STX18: variants seen among roughly 807,000 people sequenced by gnomAD.
The protein encoded by STX18 is syntaxin-18.
STX18 carries 40 observed loss-of-function variants against 50.1 expected under a neutral mutation model. The observed-to-expected ratio is 0.80, with a 90% CI of 0.62 to 1.04. The LOEUF (loss-of-function observed/expected upper bound fraction) is 1.04. Ranked by LOEUF, STX18 falls within the 50% of genes least tolerant of loss-of-function variation. The pLI, the probability that STX18 is intolerant of heterozygous loss-of-function variation, is 0.00. For missense variants in STX18, 410 were observed against 415.8 expected, an observed-to-expected ratio of 0.99 and a Z score of 0.12; for synonymous variants, 158 against 151.8, an observed-to-expected ratio of 1.04 and a Z score of -0.30.
At chr4:4,462,358 C>G (rs1006520312) in intron 2 of STX18, among the ~76,000 whole-genome samples, 11 of 152,198 alleles carry the variant, frequency 7.2e-5, no homozygotes, top group African/African-American at 2.2e-4. Flanking sequence ...AGAACATCAT[C>G]CACATTTTAT....
At chr4:4,485,544 T>C (rs1728660219) in intron 1 of STX18, among the ~76,000 whole-genome samples, 1 of 152,118 alleles carries the variant, frequency 6.6e-6, no homozygotes, top group Non-Finnish European at 1.5e-5. Flanking sequence ...TTAGGAGACA[T>C]GATGACAGTG....
chr4:4,506,148 T>C lies in STX18; in HGVS notation c.169-34442A>G, dbSNP rs553869423. ...ACATTTGTGTACAGGCAGTTTCTTA[T>C]ACCATTAAACATACACTCACCAGAT... is the stretch of plus-strand genomic sequence containing the variant. On this transcript the variant is annotated intron_variant, in intron 1 of 10. Transcript: ENST00000306200. Among the ~76,000 whole-genome samples, 12 of 152,366 alleles carry C rather than the reference T, an allele frequency of 7.9e-5. No homozygotes were observed. The South Asian group carries it at 1.2e-3, about 16-fold the overall frequency.
intron 5 of STX18, among the ~76,000 whole-genome samples, chr4:4,441,985 T>C (rs1412545027): frequency 1.3e-5 from 2 of 152,208 alleles, no homozygotes; most frequent in African/African-American, 2.4e-5. Context: ...ATATGGGTGT[T>C]CACTGTAAAA....
intron 1 of STX18, among the ~76,000 whole-genome samples, chr4:4,539,479 G>A (rs1486690016): frequency 6.6e-6 from 1 of 152,162 alleles, no homozygotes; most frequent in Non-Finnish European, 1.5e-5. Flanking sequence ...ACGGTTGCAA[G>A]AACAGGAGAT....
chr4:4,455,044 C>G (rs1162527860), intron 5 of STX18, among the ~76,000 whole-genome samples: 1 of 152,034 alleles, frequency 6.6e-6, no homozygotes, highest in Non-Finnish European at 1.5e-5. Context: ...AAACAAAAGC[C>G]CAGAAAAGTT....
At chr4:4,521,522 G>C (rs1291201315) in intron 1 of STX18, among the ~76,000 whole-genome samples, 1 of 152,104 alleles carries the variant, frequency 6.6e-6, no homozygotes, top group Non-Finnish European at 1.5e-5. Context: ...AAGAAAGAAA[G>C]AAAATGAAAG....
chr4:4,471,047 G>A (rs1452242445), intron 2 of STX18, among the ~76,000 whole-genome samples: 2 of 152,204 alleles, frequency 1.3e-5, no homozygotes, highest in Non-Finnish European at 2.9e-5. Context: ...TTCAGCAAAA[G>A]TGCCGTAAGA....
chr4:4,446,804 G>T (rs1160541684), intron 5 of STX18, among the ~76,000 whole-genome samples: 1 of 151,956 alleles, frequency 6.6e-6, no homozygotes, highest in Non-Finnish European at 1.5e-5. Flanking sequence ...TTACCCAAAA[G>T]AAATGAAAAG....
At chr4:4,536,593 T>C (rs960765072) in intron 1 of STX18, among the ~76,000 whole-genome samples, 3 of 152,080 alleles carry the variant, frequency 2.0e-5, no homozygotes, top group Non-Finnish European at 2.9e-5. Context: ...GAAATGTGCC[T>C]GATGCATGTG....
At chr4:4,498,343 AC>A (rs1161115346) in intron 1 of STX18, among the ~76,000 whole-genome samples, 1 of 152,042 alleles carries the variant, frequency 6.6e-6, no homozygotes, top group East Asian at 1.9e-4. Context: ...ATGATAATAT[AC>A]CCCCCAAAAT....
At chr4:4,523,687 G>C (rs1479348322) in intron 1 of STX18, among the ~76,000 whole-genome samples, 1 of 152,122 alleles carries the variant, frequency 6.6e-6, no homozygotes, top group Non-Finnish European at 1.5e-5. Flanking sequence ...ATCTTGACTA[G>C]ACTTGATTAC....
At chr4:4,483,529 T>C (rs757886545) in intron 1 of STX18, among the ~76,000 whole-genome samples, 1 of 152,216 alleles carries the variant, frequency 6.6e-6, no homozygotes, top group Non-Finnish European at 1.5e-5. Flanking sequence ...CAAACTACAA[T>C]TATTTGGCAT....
chr4:4,529,861 A>C (rs1454232430), intron 1 of STX18, among the ~76,000 whole-genome samples: 2 of 152,242 alleles, frequency 1.3e-5, no homozygotes, highest in Non-Finnish European at 1.5e-5. Flanking sequence ...ATTATGCTTT[A>C]GAATAACAAC....
chr4:4,505,429 T>G (rs767489030), intron 1 of STX18, among the ~76,000 whole-genome samples: 1 of 152,084 alleles, frequency 6.6e-6, no homozygotes. Context: ...ATGTCGAGCA[T>G]CAAGAGGGAG....
intron 1 of STX18, among the ~76,000 whole-genome samples, chr4:4,477,192 G>A (rs367611220): frequency 3.3e-5 from 5 of 152,136 alleles, no homozygotes; most frequent in African/African-American, 4.8e-5. Flanking sequence ...GTAGTGAGCC[G>A]AGATCGCGCC....
chr4:4,420,674 G>A lies in STX18; in HGVS notation c.912+190C>T, dbSNP rs1724893318. The A allele has an allele frequency of 1.7e-6, 1 of 584,752 alleles. No individual in the cohort carries two copies. The highest frequency in any genetic ancestry group is 3.0e-6 in the Non-Finnish European group (1 of 331,144). 36.2% of individuals were successfully genotyped at this position (584,752 alleles called of 1,614,324 possible). ...GCTGGTGAGCCACTGCCTCTCGAAA[G>A]CAGCTGGAGGTGGGCGACAGGTGGT... On this transcript the variant is annotated intron_variant, in intron 10 of 10. Coordinates refer to ENST00000306200, the MANE Select transcript of STX18 (RefSeq NM_016930.4). The surrounding 1 kb of genome is among the most constrained non-coding windows in gnomAD (Gnocchi z 4.3).
intron 1 of STX18, among the ~76,000 whole-genome samples, chr4:4,531,679 A>T (rs1196001278): frequency 2.0e-5 from 3 of 152,216 alleles, no homozygotes; most frequent in Non-Finnish European, 4.4e-5. Flanking sequence ...CTCTTCAAGG[A>T]TCTGCTCCCA....
At chr4:4,423,639 C>A in intron 8 of STX18, 52 bp from the exon 9 acceptor site, 1 of 1,553,348 alleles carries the variant, frequency 6.4e-7, no homozygotes, top group Non-Finnish European at 8.9e-7. Flanking sequence ...GGTAATCTAA[C>A]AGGACTGTTA....
At chr4:4,504,533 A>C (rs1209726364) in intron 1 of STX18, among the ~76,000 whole-genome samples, 1 of 152,244 alleles carries the variant, frequency 6.6e-6, no homozygotes, top group Non-Finnish European at 1.5e-5. Context: ...GTGAAGTTAA[A>C]TGGGAGACTA....
Sources: gnomAD v4.1 joint callset for allele counts (sites outside exome capture counted in the v4.1 genomes callset) on GRCh38, gnomAD v4.1.1 for gene constraint, Gnocchi (gnomAD v3.1) non-coding constraint, MANE v1.5 for transcripts, NCBI Gene and HGNC (gene_info 2026-07-23, HGNC 2026-07-21) for gene names.